Variants in CRAMP1 observed in about 807,000 individuals in gnomAD.
CRAMP1 encodes cramped chromatin regulator 1.
CRAMP1 carries 50 observed loss-of-function variants against 115.4 expected under a neutral mutation model. That is an observed-to-expected ratio of 0.43 (90% CI 0.35 to 0.55). The LOEUF is 0.55. Among genes scored for constraint, CRAMP1 ranks in the 20% least tolerant of loss-of-function variants. CRAMP1 has a pLI of 0.01. For missense variants in CRAMP1, 1,679 were observed against 1,721.7 expected (o/e 0.98, Z 0.44); for synonymous variants, 866 against 745.4 (o/e 1.16, Z -2.64).
rs1324290686 is a variant in CRAMP1, at chr16:1,614,160, C to T, written c.-1-479C>T. 6.7e-6 allele frequency among the ~76,000 whole-genome samples: 1 copy of T among 148,862 alleles called. No individual in the cohort carries two copies. The highest frequency in any genetic ancestry group is 1.5e-5 in the Non-Finnish European group (1 of 66,784). The stretch of plus-strand genomic sequence containing the variant: ...CGAGGGGCTAGGGCTGGGGCTGCGG[C>T]CCGGCCGGCCGAGGCGGCGCAGGGA... On this transcript the variant is annotated intron_variant, in intron 1 of 20. Transcript: ENST00000397412. The surrounding 1 kb of genome is among the most constrained non-coding windows in gnomAD (Gnocchi z 4.4).
chr16:1,632,213 A>G lies in CRAMP1; in HGVS notation c.542A>G (p.His181Arg). 1 of 1,555,660 alleles carries G rather than the reference A, an allele frequency of 6.4e-7. No individual in the cohort carries two copies. Among genetic ancestry groups the G allele is most frequent in the Non-Finnish European group, 8.7e-7 (1 of 1,149,396 alleles). The change falls in exon 4 of 21, where the codon CAT becomes CGT. Residue 181 changes from histidine to arginine, a missense_variant and splice_region_variant. Around this residue, in one of 8 missense-constraint regions of CRAMP1, gnomAD observed 44 missense variants for 92.4 expected, o/e 0.48. Transcript: ENST00000397412. ...KNTFFEGLYE[H>R]GKDFEAIQNN... ...TTTATCATGGAATTTATTTTCCAGC[A>G]TGGGAAAGACTTTGAAGCGATTCAG...
intron 2 of CRAMP1, among the ~76,000 whole-genome samples, chr16:1,617,627 A>G (rs1333387316): frequency 3.9e-5 from 6 of 152,198 alleles, no homozygotes; most frequent in East Asian, 1.9e-4. Context: ...TTGGTTGATT[A>G]CTTACTGCCC....
intron 13 of CRAMP1, 113 bp from the exon 14 acceptor site, chr16:1,664,944 G>T: frequency 1.4e-6 from 1 of 738,812 alleles, no homozygotes; most frequent in Non-Finnish European, 2.4e-6. Flanking sequence ...TCTGGAAAAA[G>T]CCCCACCTGG....
intron 6 of CRAMP1, among the ~76,000 whole-genome samples, chr16:1,650,895 G>A (rs1045873950): frequency 2.0e-5 from 3 of 152,226 alleles, no homozygotes; most frequent in African/African-American, 4.8e-5. Context: ...CCAGTGGGCC[G>A]CTGCCCAGAG....
At position 1,675,975 on chromosome 16, in the gene CRAMP1, C is replaced by G. The variant is rs1486841929; in HGVS notation, c.*1930C>G. The stretch of plus-strand genomic sequence containing the variant: ...AGGAGATCTCCCTCTGGGCATCTGG[C>G]TTTGCTGCGTCTCTAGAGGGTTAGG... On this transcript the variant is annotated 3_prime_UTR_variant, in exon 21 of 21. Transcript: ENST00000397412. 2 of 152,238 alleles carry G rather than the reference C, an allele frequency of 1.3e-5. No individual in the cohort carries two copies. The highest frequency in any genetic ancestry group is 2.9e-5 in the Non-Finnish European group (2 of 68,050). 9.4% of individuals were successfully genotyped at this position (152,238 alleles called of 1,614,324 possible). A position where few individuals can be genotyped will look rare whatever the true frequency, so the allele number is the denominator to read the frequency against.
rs149631447 is a variant in CRAMP1, at chr16:1,665,824, C to T, written c.2753-249C>T. On this transcript the variant is annotated intron_variant, in intron 14 of 20. Transcript: ENST00000397412. The stretch of plus-strand genomic sequence containing the variant: ...TTCAAGAGCCATTTCCGCAGGATGA[C>T]AGTGGTGACCGCAGCCTTCCAGTAG... 5.0e-4 allele frequency: 261 copies of T among 518,420 alleles called. No homozygotes were observed. The East Asian group carries it at 7.8e-3, about 16-fold the overall frequency. The allele number at this position is 518,420 out of a possible 1,614,324, so 32.1% of individuals were successfully genotyped here.
chr16:1,651,741 A>C lies in CRAMP1; in HGVS notation c.828-755A>C, dbSNP rs150408134. Among the ~76,000 whole-genome samples the C allele has an allele frequency of 5.9e-3, 892 of 151,396 alleles. 9 individuals are homozygous for C. Among genetic ancestry groups the C allele is most frequent in the African/African-American group, 0.021 (848 of 41,156 alleles). On this transcript the variant is annotated intron_variant, in intron 6 of 20. Coordinates refer to ENST00000397412, the MANE Select transcript of CRAMP1 (RefSeq NM_020825.4). ...TCACCTAGAGGTGGATTGAGGTCAC[A>C]CAGAGGTCATAGAGAGGTGGACTGA...
intron 6 of CRAMP1, among the ~76,000 whole-genome samples, chr16:1,646,005 A>G (rs2036671603): frequency 6.6e-6 from 1 of 152,096 alleles, no homozygotes; most frequent in Non-Finnish European, 1.5e-5. Context: ...TTTTCCAGAA[A>G]GCCATCTAAA....
chr16:1,669,549 T>G lies in CRAMP1; in HGVS notation c.3499+384T>G. Among the ~76,000 whole-genome samples, 1 of 152,168 alleles carries G rather than the reference T, an allele frequency of 6.6e-6. No homozygotes were observed. Among genetic ancestry groups the G allele is most frequent in the East Asian group, 1.9e-4 (1 of 5,192 alleles). Reference sequence around the variant, plus strand: ...ACTGGTGTCTTGGCACTCTCTTGGCTCTTCTCTTTCTGTGGTCAGTAAGGT... The same window carrying G: ...ACTGGTGTCTTGGCACTCTCTTGGCGCTTCTCTTTCTGTGGTCAGTAAGGT... On this transcript the variant is annotated intron_variant, in intron 19 of 20. Transcript: ENST00000397412. The surrounding 1 kb of genome is among the most constrained non-coding windows in gnomAD (Gnocchi z 4.6).
chr16:1,628,408 C>A (rs1324091216), intron 3 of CRAMP1, among the ~76,000 whole-genome samples: 1 of 152,204 alleles, frequency 6.6e-6, no homozygotes, highest in Non-Finnish European at 1.5e-5. Flanking sequence ...TGCCCGCCAC[C>A]ACACCCGGCT....
chr16:1,655,848 A>G (rs1401188310), intron 9 of CRAMP1, 29 bp from the exon 10 acceptor site: 1 of 1,586,402 alleles, frequency 6.3e-7, no homozygotes, highest in Non-Finnish European at 8.6e-7. Context: ...AGTGCTAGCC[A>G]GTGTGGGCCT....
At chr16:1,639,321 G>C (rs533473852) in intron 5 of CRAMP1, among the ~76,000 whole-genome samples, 1 of 151,950 alleles carries the variant, frequency 6.6e-6, no homozygotes, top group African/African-American at 2.4e-5. Flanking sequence ...GAAAACCAAA[G>C]TACACTCCAC....
intron 1 of CRAMP1, among the ~76,000 whole-genome samples, chr16:1,612,944 C>T (rs1238577654): frequency 2.0e-5 from 3 of 152,008 alleles, no homozygotes; most frequent in African/African-American, 7.2e-5. Flanking sequence ...AAAGTCTGGA[C>T]GGCGTCGGTC....
At position 1,659,677 on chromosome 16, in the gene CRAMP1, G is replaced by A. The variant is rs543554149; in HGVS notation, c.2236-209G>A. ...GCTGGGATTACAGGCGTGAGCCACC[G>A]CACCTGGCCGACCAGTAACTTTTAA... On this transcript the variant is annotated intron_variant, in intron 10 of 20. Transcript: ENST00000397412. Among the ~76,000 whole-genome samples, 19 of 152,330 alleles carry A rather than the reference G, an allele frequency of 1.2e-4. No individual in the cohort carries two copies. In the East Asian group the frequency reaches 1.4e-3, roughly 11 times the overall value.
intron 5 of CRAMP1, among the ~76,000 whole-genome samples, chr16:1,640,307 A>G (rs1045861831): frequency 6.6e-6 from 1 of 152,098 alleles, no homozygotes; most frequent in Non-Finnish European, 1.5e-5. Context: ...TTCTTTCATC[A>G]CATTGACACC....
Position 1,667,794 on chromosome 16 carries a change from G to T in CRAMP1, c.3103-168G>T, listed in dbSNP as rs117631661. ...ACTCTGCCATAGTGAGTGTTTTTGG[G>T]AGAAATAAATTCCCCGAGTGTGTTC... On this transcript the variant is annotated intron_variant, in intron 17 of 20. Transcript: ENST00000397412. Among the ~76,000 whole-genome samples, 1,415 of 152,300 alleles carry T rather than the reference G, an allele frequency of 9.3e-3. 9 individuals carry two copies. The highest frequency in any genetic ancestry group is 0.015 in the South Asian group (73 of 4,828).
In CRAMP1 at chr16:1,614,769, G is replaced by C; in HGVS notation, c.130G>C (p.Gly44Arg). Reference sequence around the variant, plus strand: ...CGCAGACGCGGCCGAGGAGAGCAGCGGCACAAAGAGGGACGAGAAGACCCC... The same window carrying C: ...CGCAGACGCGGCCGAGGAGAGCAGCCGCACAAAGAGGGACGAGAAGACCCC... ...GGADAAEESS[G>R]TKRDEKTPRA... The change falls in exon 2 of 21, where the codon GGC becomes CGC. Residue 44 changes from glycine (G) to arginine (R), a missense_variant. By Grantham distance (125) the Gly-to-Arg change is moderately radical. This residue lies in a region of CRAMP1 where 264 missense variants were observed against 229.7 expected (regional missense o/e 1.15). Transcript: ENST00000397412. The surrounding 1 kb of genome is among the most constrained non-coding windows in gnomAD (Gnocchi z 4.4). 1 of 1,360,902 alleles carries C rather than the reference G, an allele frequency of 7.3e-7. No homozygotes were observed. Among genetic ancestry groups the C allele is most frequent in the Non-Finnish European group, 9.6e-7 (1 of 1,045,672 alleles). 84.3% of individuals were successfully genotyped at this position (1,360,902 alleles called of 1,614,324 possible).
chr16:1,670,545 T>G, intron 19 of CRAMP1, 119 bp from the exon 20 acceptor site: 1 of 1,077,578 alleles, frequency 9.3e-7, no homozygotes, highest in Non-Finnish European at 1.4e-6. Context: ...CAAGTCTGGA[T>G]TGGGGCCGGG....
intron 6 of CRAMP1, among the ~76,000 whole-genome samples, chr16:1,646,815 T>C (rs950373358): frequency 6.6e-6 from 1 of 152,244 alleles, no homozygotes; most frequent in African/African-American, 2.4e-5. Context: ...ATGATCTGCT[T>C]TGAATTAACT....
Sources: gnomAD v4.1 joint callset for allele counts (sites outside exome capture counted in the v4.1 genomes callset) on GRCh38, gnomAD v4.1.1 for gene constraint, gnomAD v4.1.1 regional missense constraint, Gnocchi (gnomAD v3.1) non-coding constraint, MANE v1.5 for transcripts, NCBI Gene and HGNC (gene_info 2026-07-23, HGNC 2026-07-21) for gene names.